The following PKD1L1 variants were observed in gnomAD, a reference collection of about 807,000 sequenced individuals.
PKD1L1 encodes the protein polycystin-1-like protein 1.
PKD1L1 carries 236 observed loss-of-function variants against 323.4 expected under a neutral mutation model. That is an observed-to-expected ratio of 0.73 (90% CI 0.66 to 0.81). The LOEUF (loss-of-function observed/expected upper bound fraction) is 0.81, where lower values mean the gene tolerates loss of function less well. PKD1L1 is among the 40% of genes least tolerant of loss of function. The probability of loss-of-function intolerance (pLI) is 0.00; values close to 1 mark genes in which losing one functional copy is unlikely to be tolerated. For synonymous variants in PKD1L1, 1,344 were observed against 1,335.0 expected (o/e 1.01, Z -0.15); for missense variants, 3,320 against 3,508.0 (o/e 0.95, Z 1.35).
At position 47,840,870 on chromosome 7, in the gene PKD1L1, C is replaced by T. The variant is rs760287215; in HGVS notation, c.5446-303G>A. On this transcript the variant is annotated intron_variant, in intron 34 of 56. Coordinates refer to ENST00000289672, the MANE Select transcript of PKD1L1 (RefSeq NM_138295.5). This position sits in a 1 kb window ranked among gnomAD's most constrained non-coding sequence, Gnocchi z 4.1. ...GAGGGCATTTGTTTTCTCATGAGGG[C>T]GGGAGAACACCACGGTGGGCACACC... 8.5e-5 allele frequency among the ~76,000 whole-genome samples: 13 copies of T among 152,128 alleles called. No homozygotes were observed. The highest frequency in any genetic ancestry group is 2.1e-4 in the South Asian group (1 of 4,828).
intron 44 of PKD1L1, 32 bp from the exon 45 acceptor site, chr7:47,827,500 G>A (rs773031470): frequency 6.4e-7 from 1 of 1,567,882 alleles, no homozygotes; most frequent in South Asian, 1.2e-5. Context: ...TGAGCTGCGG[G>A]CTGGTGGGTG....
In PKD1L1 at chr7:47,885,827, C is replaced by T; in HGVS notation, c.3064G>A (p.Ala1022Thr). 1 of 1,614,198 alleles carries T rather than the reference C, an allele frequency of 6.2e-7. No individual in the cohort carries two copies. Among genetic ancestry groups the T allele is most frequent in the Admixed American group, 1.7e-5 (1 of 60,032 alleles). The change falls in exon 18 of 57, where the codon GCG becomes ACG. Residue 1022 changes from alanine (A) to threonine (T), a missense_variant. By Grantham distance (58) the Ala-to-Thr change is moderately conservative. Transcript: ENST00000289672. ...PMTGVYWIPPAGDSAVLGEAP... is the reference protein window; with the variant it reads ...PMTGVYWIPPTGDSAVLGEAP... The stretch of plus-strand genomic sequence containing the variant: ...TCCCCCAGGACTGCAGAGTCCCCCG[C>T]AGGAGGAATCCAGTAGACTCCAGTC...
At chr7:47,783,513 CA>C (rs1194171127) in intron 56 of PKD1L1, among the ~76,000 whole-genome samples, 1 of 152,086 alleles carries the variant, frequency 6.6e-6, no homozygotes, top group African/African-American at 2.4e-5. Flanking sequence ...TCCTCCAGAA[CA>C]AAAAAGGCAC....
the PKD1L1 span, among the ~76,000 whole-genome samples, chr7:47,954,702 C>T: frequency 6.6e-6 from 1 of 152,174 alleles, no homozygotes. Flanking sequence ...TTTACGCTTC[C>T]CAATTTAGAA....
chr7:47,919,789 A>T (rs1018598233), intron 7 of PKD1L1, among the ~76,000 whole-genome samples: 1 of 152,234 alleles, frequency 6.6e-6, no homozygotes, highest in African/African-American at 2.4e-5. Flanking sequence ...CAATAGATGC[A>T]GAAAAAGCAT....
rs1276165120 is a variant in PKD1L1 at position 47,853,139 on chromosome 7, C to A, written c.4948G>T (p.Ala1650Ser). 1 of 1,610,640 alleles carries A rather than the reference C, an allele frequency of 6.2e-7. No homozygotes were observed. The highest frequency in any genetic ancestry group is 1.3e-5 in the African/African-American group (1 of 74,816). ...ESIVQIYIPA[A>S]SQKDASVGYL... ...CCTGTTCACTGACCTTTCTGAGAAG[C>A]AGCAGGTATATAAATCTGCACAATT... is the stretch of plus-strand genomic sequence containing the variant. Residue 1650 changes from alanine (A) to serine (S), a missense_variant, in exon 31 of 57, where the codon GCT becomes TCT. By Grantham distance (99) the Ala-to-Ser change is moderately conservative. Transcript: ENST00000289672.
intron 50 of PKD1L1, among the ~76,000 whole-genome samples, chr7:47,811,063 C>T (rs926973006): frequency 3.9e-5 from 6 of 152,136 alleles, no homozygotes; most frequent in Non-Finnish European, 8.8e-5. Context: ...CGGCCATCTC[C>T]CAGGACTAGA....
chr7:47,845,519 T>A (rs1389852725), intron 32 of PKD1L1, among the ~76,000 whole-genome samples: 1 of 152,242 alleles, frequency 6.6e-6, no homozygotes, highest in Non-Finnish European at 1.5e-5. Context: ...TCTCCTTTTT[T>A]AAAAATAAAG....
chr7:47,858,862 G>A lies in PKD1L1; in HGVS notation c.4173C>T (p.Leu1391=). The A allele has an allele frequency of 6.2e-7, 1 of 1,613,700 alleles. No individual in the cohort carries two copies. Among genetic ancestry groups the A allele is most frequent in the South Asian group, 1.1e-5 (1 of 91,052 alleles). Residue 1391 remains leucine (L), a synonymous_variant, in exon 27 of 57, where the codon CTC becomes CTT. Coordinates refer to ENST00000289672, the MANE Select transcript of PKD1L1 (RefSeq NM_138295.5). ...SNKLGFMSAV[L]ILKYTRALLA... ...GGAGTGCCCGGGTGTACTTGAGGAT[G>A]AGAACCGCACTCATAAAGCCTAGCT...
intron 24 of PKD1L1, among the ~76,000 whole-genome samples, chr7:47,868,946 T>C (rs1416376985): frequency 6.6e-6 from 1 of 152,192 alleles, no homozygotes; most frequent in Non-Finnish European, 1.5e-5. Context: ...TTTGTAACAC[T>C]GATAGATGTA....
At position 47,908,220 on chromosome 7, in the gene PKD1L1, T is replaced by A; in HGVS notation, c.1259A>T (p.Tyr420Phe). 2 of 1,614,226 alleles carry A rather than the reference T, an allele frequency of 1.2e-6. No individual in the cohort carries two copies. The highest frequency in any genetic ancestry group is 1.7e-6 in the Non-Finnish European group (2 of 1,180,020). Residue 420 changes from tyrosine to phenylalanine, a missense_variant, in exon 9 of 57, where the codon TAT becomes TTT. By Grantham distance (22) the Tyr-to-Phe change is conservative. Coordinates refer to ENST00000289672, the MANE Select transcript of PKD1L1 (RefSeq NM_138295.5). The stretch of plus-strand genomic sequence containing the variant: ...CACTTCGGTTCCATGAAACTCGTTA[T>A]AAATAACAGCCTTGAGCATATAGAC... Reference protein sequence around the residue: ...KGVYMLKAVIYNEFHGTEVEL... With the variant: ...KGVYMLKAVIFNEFHGTEVEL...
chr7:47,797,227 T>TC (rs1290872258), intron 54 of PKD1L1, among the ~76,000 whole-genome samples: 1 of 152,184 alleles, frequency 6.6e-6, no homozygotes, highest in African/African-American at 2.4e-5. Flanking sequence ...TCCCCTGAGA[T>TC]CGCCCTTGCT....
At chr7:47,933,015 T>C (rs1787801193) in intron 4 of PKD1L1, among the ~76,000 whole-genome samples, 1 of 152,214 alleles carries the variant, frequency 6.6e-6, no homozygotes, top group South Asian at 2.1e-4. Flanking sequence ...TCTGTTAGCA[T>C]GGAGCTCAGA....
In PKD1L1 at chr7:47,908,087, C is replaced by A. The variant is rs150516084; in HGVS notation, c.1392G>T (p.Val464=). The change falls in exon 9 of 57, where the codon GTG becomes GTT. Residue 464 remains valine (V), a synonymous_variant. Coordinates refer to ENST00000289672, the MANE Select transcript of PKD1L1 (RefSeq NM_138295.5). Reference sequence around the variant, plus strand: ...AGACATACGTCTTACTTTTCTGATTCACTTGGGAGTCAGCAAAGACAAGCA... The same window carrying A: ...AGACATACGTCTTACTTTTCTGATTAACTTGGGAGTCAGCAAAGACAAGCA... ...DEVLVFADSQ[V]NQKSTVVIHH... 6 of 1,613,564 alleles carry A rather than the reference C, an allele frequency of 3.7e-6. No individual in the cohort carries two copies. In the East Asian group the frequency reaches 1.1e-4, roughly 30 times the overall value.
At chr7:47,832,876 C>T (rs574266061) in intron 41 of PKD1L1, among the ~76,000 whole-genome samples, 76 of 152,376 alleles carry the variant, frequency 5.0e-4, no homozygotes, top group African/African-American at 1.8e-3. Context: ...AAAGATCTGA[C>T]CAAACTTACG....
In PKD1L1 at chr7:47,831,084, A is replaced by T. The variant is rs1785339782; in HGVS notation, c.6473+133T>A. 8.2e-6 allele frequency: 10 copies of T among 1,226,472 alleles called. No homozygotes were observed. In the Admixed American group the frequency reaches 2.3e-4, roughly 28 times the overall value. The allele number at this position is 1,226,472 out of a possible 1,614,324, so 76.0% of individuals were successfully genotyped here. ...TTACCCCAGGAGATGGGAGGGAGAA[A>T]TGAGGGAGAAAATAGCAATAGTGAC... On this transcript the variant is annotated intron_variant, in intron 42 of 56. Coordinates refer to ENST00000289672, the MANE Select transcript of PKD1L1 (RefSeq NM_138295.5).
At chr7:47,827,296 T>A in intron 45 of PKD1L1, 54 bp downstream of exon 45, 1 of 1,453,856 alleles carries the variant, frequency 6.9e-7, no homozygotes, top group Non-Finnish European at 9.3e-7. Flanking sequence ...GGGTACTCCC[T>A]CCGAGAAGGG....
At chr7:47,799,353 G>A (rs1319102508) in intron 54 of PKD1L1, among the ~76,000 whole-genome samples, 6 of 152,162 alleles carry the variant, frequency 3.9e-5, no homozygotes, top group Non-Finnish European at 7.4e-5. Context: ...GTGAACATGA[G>A]CAATCACTTT....
At chr7:47,952,482 C>T (rs924855970), upstream of PKD1L1, among the ~76,000 whole-genome samples, 1 of 152,198 alleles carries the variant, frequency 6.6e-6, no homozygotes, top group South Asian at 2.1e-4. Context: ...TCCCTGCCTC[C>T]ATTAGCATCT....
Sources: gnomAD v4.1 joint callset for allele counts (sites outside exome capture counted in the v4.1 genomes callset) on GRCh38, gnomAD v4.1.1 for gene constraint, Gnocchi (gnomAD v3.1) non-coding constraint, MANE v1.5 for transcripts, NCBI Gene and HGNC (gene_info 2026-07-23, HGNC 2026-07-21) for gene names.